The following CRTAC1 variants were observed in gnomAD, a reference collection of about 807,000 sequenced individuals.
CRTAC1 encodes the protein acidic secreted protein in cartilage.
CRTAC1 carries 37 observed loss-of-function variants against 67.8 expected under a neutral mutation model. The ratio of observed to expected loss-of-function variants is 0.55; its 90% CI spans 0.42 to 0.72. CRTAC1 has a LOEUF of 0.72. Among genes scored for constraint, CRTAC1 ranks in the 30% least tolerant of loss-of-function variants. The pLI is 0.00. For synonymous variants in CRTAC1, 348 were observed against 371.0 expected, an observed-to-expected ratio of 0.94 and a Z score of 0.71; for missense variants, 780 against 931.6, an observed-to-expected ratio of 0.84 and a Z score of 2.12.
chr10:98,030,412 C>T lies in CRTAC1; in HGVS notation c.24+37G>A, dbSNP rs1590310717. Reference sequence around the variant, plus strand: ...GCGCGCAGAGCTGGAGAAACTTTCTCCGCCTTAGGGTGGGGGGCACCGGTG... The same window carrying T: ...GCGCGCAGAGCTGGAGAAACTTTCTTCGCCTTAGGGTGGGGGGCACCGGTG... On this transcript the variant is annotated intron_variant, in intron 1 of 14. Coordinates refer to ENST00000370597, the MANE Select transcript of CRTAC1 (RefSeq NM_018058.7). The surrounding 1 kb of genome is among the most constrained non-coding windows in gnomAD (Gnocchi z 4.2). 1.6e-6 allele frequency: 2 copies of T among 1,235,014 alleles called. No homozygotes were observed. Among genetic ancestry groups the T allele is most frequent in the Non-Finnish European group, 2.0e-6 (2 of 975,812 alleles). The allele number at this position is 1,235,014 out of a possible 1,614,324, so 76.5% of individuals were successfully genotyped here.
chr10:97,913,709 C>A (rs1238040355), intron 5 of CRTAC1, among the ~76,000 whole-genome samples: 10 of 152,300 alleles, frequency 6.6e-5, no homozygotes, highest in African/African-American at 2.4e-4. Context: ...TCCTGGGGGT[C>A]CCGGGCCCTG....
intron 11 of CRTAC1, among the ~76,000 whole-genome samples, chr10:97,891,510 C>T (rs72837936): frequency 0.011 from 1,638 of 152,372 alleles, 19 homozygotes; most frequent in Non-Finnish European, 0.015. Context: ...CTCATGGCCA[C>T]GGGGCCAGTA....
At chr10:97,879,358 G>C (rs1263676657) in intron 14 of CRTAC1, among the ~76,000 whole-genome samples, 1 of 152,156 alleles carries the variant, frequency 6.6e-6, no homozygotes, top group East Asian at 1.9e-4. Context: ...TCTTTGTTAA[G>C]GGCAAAATAA....
chr10:97,903,861 G>A (rs1245404252), intron 7 of CRTAC1, among the ~76,000 whole-genome samples: 2 of 152,112 alleles, frequency 1.3e-5, no homozygotes, highest in African/African-American at 2.4e-5. Flanking sequence ...GGGGCACAGA[G>A]AGGGCTCTGA....
At chr10:97,926,792 C>T (rs1265842358) in intron 3 of CRTAC1, among the ~76,000 whole-genome samples, 1 of 152,176 alleles carries the variant, frequency 6.6e-6, no homozygotes, top group Non-Finnish European at 1.5e-5. Flanking sequence ...CGAGAAGGGA[C>T]TTGGACTTAG....
rs188519810 is a variant in CRTAC1 at position 97,971,603 on chromosome 10, G to A, written c.225-35237C>T. 5.3e-5 allele frequency among the ~76,000 whole-genome samples: 8 copies of A among 152,332 alleles called. No individual in the cohort carries two copies. In the East Asian group the frequency reaches 1.4e-3, roughly 26 times the overall value. ...ATGGTGATGATGGTTGCACAACAAC[G>A]TGGATGCACATAATGCCATTGAACT... On this transcript the variant is annotated intron_variant, in intron 2 of 14. Transcript: ENST00000370597.
At chr10:97,878,697 TCA>T in intron 14 of CRTAC1, 1 of 1,304,054 alleles carries the variant, frequency 7.7e-7, no homozygotes, top group Non-Finnish European at 1.0e-6. Context: ...TTTCTAGAAA[TCA>T]GAGTAACCTG....
chr10:97,922,584 C>A (rs1221106660), intron 4 of CRTAC1, among the ~76,000 whole-genome samples: 1 of 152,202 alleles, frequency 6.6e-6, no homozygotes, highest in Non-Finnish European at 1.5e-5. Context: ...TCTGGCGAGG[C>A]CTGCTGGGAC....
intron 2 of CRTAC1, among the ~76,000 whole-genome samples, chr10:98,004,733 T>C (rs958977441): frequency 6.6e-6 from 1 of 152,144 alleles, no homozygotes; most frequent in African/African-American, 2.4e-5. Flanking sequence ...TACATCTATA[T>C]GTTTGAACAT....
In CRTAC1 at chr10:97,885,586, G is replaced by A. The variant is rs187838730; in HGVS notation, c.1487-1235C>T. Among the ~76,000 whole-genome samples the A allele has an allele frequency of 2.3e-4, 35 of 152,330 alleles. No homozygotes were observed. The East Asian group carries it at 6.2e-3, about 27-fold the overall frequency. ...CTGTCAAAGCAGGCCCCAGCTCCCC[G>A]CGTAAGGAAACAGGCCCGTCACTGT... On this transcript the variant is annotated intron_variant, in intron 11 of 14. Coordinates refer to ENST00000370597, the MANE Select transcript of CRTAC1 (RefSeq NM_018058.7).
intron 2 of CRTAC1, among the ~76,000 whole-genome samples, chr10:97,982,194 A>C (rs1475943780): frequency 6.6e-6 from 1 of 152,254 alleles, no homozygotes; most frequent in African/African-American, 2.4e-5. Flanking sequence ...GAAGATGCTC[A>C]TCAATACAAA....
rs564918327 is a variant in CRTAC1, at chr10:97,919,034, C to T, written c.559-1378G>A. Among the ~76,000 whole-genome samples, 740 of 131,286 alleles carry T rather than the reference C, an allele frequency of 5.6e-3. 7 individuals are homozygous for T. The highest frequency in any genetic ancestry group is 8.1e-3 in the Non-Finnish European group (493 of 61,178). 86.1% of individuals were successfully genotyped at this position (131,286 alleles called of 152,430 possible). A position where few individuals can be genotyped will look rare whatever the true frequency, so the allele number is the denominator to read the frequency against. On this transcript the variant is annotated intron_variant, in intron 4 of 14. Transcript: ENST00000370597. Reference sequence around the variant, plus strand: ...TTCTGACCTCAAGTGATCCACCACCCCCCCCCGCCTCAGCCTCCCAAAGTG... The same window carrying T: ...TTCTGACCTCAAGTGATCCACCACCTCCCCCCGCCTCAGCCTCCCAAAGTG...
intron 7 of CRTAC1, among the ~76,000 whole-genome samples, chr10:97,902,178 C>T (rs887616318): frequency 6.6e-6 from 1 of 152,190 alleles, no homozygotes; most frequent in Admixed American, 6.5e-5. Flanking sequence ...AAGTTACTAA[C>T]CCCCTTGGAT....
chr10:98,004,490 T>C (rs534645672), intron 2 of CRTAC1, among the ~76,000 whole-genome samples: 1 of 152,324 alleles, frequency 6.6e-6, no homozygotes, highest in South Asian at 2.1e-4. Context: ...ACAAAAAGAT[T>C]AGATTGGAAG....
intron 13 of CRTAC1, 147 bp downstream of exon 13, chr10:97,882,639 C>T: frequency 2.6e-6 from 2 of 755,568 alleles, no homozygotes; most frequent in East Asian, 2.6e-5. Flanking sequence ...GTTGTCTTGG[C>T]ATCTGGAGTC....
chr10:97,908,189 C>T (rs2050641328), intron 5 of CRTAC1, 42 bp from the exon 6 acceptor site: 1 of 1,609,532 alleles, frequency 6.2e-7, no homozygotes, highest in Non-Finnish European at 8.5e-7. Flanking sequence ...AGAAGCAAGC[C>T]CCAGGCCCAC....
Position 98,016,625 on chromosome 10 carries a change from C to T in CRTAC1, c.25-5288G>A, listed in dbSNP as rs191855436. Among the ~76,000 whole-genome samples the T allele has an allele frequency of 1.6e-3, 236 of 152,206 alleles. 2 individuals carry two copies. The highest frequency in any genetic ancestry group is 5.1e-3 in the African/African-American group (213 of 41,534). ...TCGGGTGGAGGTGTTTAGAAATATGCCACCACCCAGGTCCCTTACCCAGTT... is the reference window on the plus strand; with the variant it reads ...TCGGGTGGAGGTGTTTAGAAATATGTCACCACCCAGGTCCCTTACCCAGTT... On this transcript the variant is annotated intron_variant, in intron 1 of 14. Transcript: ENST00000370597.
At chr10:97,881,399 A>T (rs1300806791) in intron 13 of CRTAC1, among the ~76,000 whole-genome samples, 1 of 151,400 alleles carries the variant, frequency 6.6e-6, no homozygotes, top group Admixed American at 6.6e-5. Context: ...CTCCCTGACC[A>T]CTCTCTCTGG....
intron 14 of CRTAC1, among the ~76,000 whole-genome samples, chr10:97,876,520 C>A (rs950469032): frequency 2.0e-5 from 3 of 152,042 alleles, no homozygotes; most frequent in African/African-American, 7.2e-5. Flanking sequence ...GCAGCACTGG[C>A]CCACCTTCCC....
Sources: allele counts gnomAD v4.1 joint callset (sites outside exome capture counted in the v4.1 genomes callset), GRCh38; gene constraint gnomAD v4.1.1; non-coding constraint Gnocchi (gnomAD v3.1); transcripts MANE v1.5; gene names NCBI Gene and HGNC (gene_info 2026-07-23, HGNC 2026-07-21).